The following DNAH17 variants were observed in gnomAD, a reference collection of about 807,000 sequenced individuals.
The protein encoded by DNAH17 is dynein axonemal heavy chain 17.
In DNAH17, 376 loss-of-function variants were observed where a neutral mutation model predicts 485.6. The ratio of observed to expected loss-of-function variants is 0.77; its 90% CI spans 0.71 to 0.84. The LOEUF is 0.84. Ranked by LOEUF, DNAH17 falls within the 40% of genes least tolerant of loss-of-function variation. DNAH17 has a pLI of 0.00. For synonymous variants in DNAH17, 3,031 were observed against 2,405.9 expected (o/e 1.26, Z -7.60); for missense variants, 6,370 against 5,839.3 (o/e 1.09, Z -2.96).
rs1050094148 is a variant in DNAH17, at chr17:78,477,372, A to T, written c.7993-639T>A. Among the ~76,000 whole-genome samples the T allele has an allele frequency of 2.4e-3, 355 of 147,834 alleles. 2 individuals carry two copies. Among genetic ancestry groups the T allele is most frequent in the African/African-American group, 8.3e-3 (336 of 40,682 alleles). Reference sequence around the variant, plus strand: ...AGCATGGCATTTGGGCTGATACTTTATTTTTTTTTTTATTGATACTTTTTG... The same window carrying T: ...AGCATGGCATTTGGGCTGATACTTTTTTTTTTTTTTTATTGATACTTTTTG... On this transcript the variant is annotated intron_variant, in intron 51 of 80. Coordinates refer to ENST00000389840, the MANE Select transcript of DNAH17 (RefSeq NM_173628.4).
At chr17:78,478,036 ACCACCATCATTACCATTATCATCT>A (rs2089140707) in intron 51 of DNAH17, among the ~76,000 whole-genome samples, 1 of 137,368 alleles carries the variant, frequency 7.3e-6, no homozygotes, top group Non-Finnish European at 1.6e-5. Flanking sequence ...CCACCATCAC[ACCACCATCATTACCATTATCATCT>A]CCACCATCAC....
chr17:78,495,169 T>C (rs995195174), intron 38 of DNAH17, 72 bp from the exon 39 acceptor site: 1 of 1,493,666 alleles, frequency 6.7e-7, no homozygotes, highest in Admixed American at 2.1e-5. Flanking sequence ...CTGTCCCTCT[T>C]CACCTAGGAG....
chr17:78,467,268 G>A (rs192619953), intron 55 of DNAH17, among the ~76,000 whole-genome samples: 49 of 152,202 alleles, frequency 3.2e-4, no homozygotes, highest in African/African-American at 1.1e-3. Flanking sequence ...GGCCTGGGGG[G>A]CTCTCTGGCT....
rs371422110 is a variant in DNAH17, at chr17:78,500,323, G to A, written c.5622C>T (p.Ser1874=). 21 of 1,611,948 alleles carry A rather than the reference G, an allele frequency of 1.3e-5. No individual in the cohort carries two copies. The highest frequency in any genetic ancestry group is 5.0e-5 in the Admixed American group (3 of 59,718). Residue 1874 remains serine (S), a synonymous_variant, in exon 36 of 81, where the codon TCC becomes TCT. Coordinates refer to ENST00000389840, the MANE Select transcript of DNAH17 (RefSeq NM_173628.4). ...LGTMVYVFNC[S]EQMDYKSCGN... ...CGCGTACCTTGTAGTCCATCTGCTC[G>A]GAGCAGTTGAAGACGTAGACCATGG...
chr17:78,561,864 C>A lies in DNAH17; in HGVS notation c.1686G>T (p.Leu562Phe), dbSNP rs2092163722. ...CGGAGGCCGCCATCTGGGCATCGTA[C>A]AAGATCTTAGCATTGTCTAGCTCAG... ...FDAELDNAKILYDAQMAASEE... is the reference protein window; with the variant it reads ...FDAELDNAKIFYDAQMAASEE... The change falls in exon 12 of 81, where the codon TTG becomes TTT. Residue 562 changes from leucine (L) to phenylalanine (F), a missense_variant. Transcript: ENST00000389840. 1 of 1,613,840 alleles carries A rather than the reference C, an allele frequency of 6.2e-7. No individual in the cohort carries two copies. Among genetic ancestry groups the A allele is most frequent in the Admixed American group, 1.7e-5 (1 of 60,006 alleles).
At position 78,510,534 on chromosome 17, in the gene DNAH17, C is replaced by A. The variant is rs748472664; in HGVS notation, c.4114-28G>T. 3.7e-6 allele frequency: 6 copies of A among 1,612,454 alleles called. No individual in the cohort carries two copies. In the South Asian group the frequency reaches 6.6e-5, roughly 18 times the overall value. On this transcript the variant is annotated intron_variant, in intron 26 of 80. Transcript: ENST00000389840. ...AAGGGAAAAAAATCCAGGCAGGATT[C>A]ATTTCAGGTCATGTGCACTCTGCAG... is the stretch of plus-strand genomic sequence containing the variant.
chr17:78,450,836 G>A lies in DNAH17; in HGVS notation c.10745C>T (p.Thr3582Ile). The A allele has an allele frequency of 6.2e-7, 1 of 1,613,970 alleles. No homozygotes were observed. Among genetic ancestry groups the A allele is most frequent in the Non-Finnish European group, 8.5e-7 (1 of 1,179,892 alleles). The stretch of plus-strand genomic sequence containing the variant: ...AATCTTAAATTCGTTTTGAGACTTG[G>A]TGAGGTTTGCCTGCAAGGGGAGGTG... ...PDLEQLKANLTKSQNEFKIVL... is the reference protein window; with the variant it reads ...PDLEQLKANLIKSQNEFKIVL... The change falls in exon 67 of 81, where the codon ACC becomes ATC. Residue 3582 changes from threonine (T) to isoleucine (I), a missense_variant. Physicochemically the swap from Thr to Ile is moderately conservative, Grantham distance 89. Coordinates refer to ENST00000389840, the MANE Select transcript of DNAH17 (RefSeq NM_173628.4).
chr17:78,566,476 C>T (rs1009575647), intron 11 of DNAH17, 138 bp downstream of exon 11: 14 of 648,622 alleles, frequency 2.2e-5, no homozygotes, highest in Non-Finnish European at 3.7e-5. Context: ...GACTCTGAGG[C>T]ACAGGAGACG....
chr17:78,445,546 C>A lies in DNAH17; in HGVS notation c.11334+12G>T. On this transcript the variant is annotated intron_variant, in intron 70 of 80. Coordinates refer to ENST00000389840, the MANE Select transcript of DNAH17 (RefSeq NM_173628.4). ...GGAGAAAGCACAACGTGTTCAACGT[C>A]TAAAGACGAACCTTGATCCCGCCCC... 6.4e-7 allele frequency: 1 copy of A among 1,560,210 alleles called. No individual in the cohort carries two copies. Among genetic ancestry groups the A allele is most frequent in the Non-Finnish European group, 8.7e-7 (1 of 1,151,688 alleles).
At chr17:78,536,243 T>A (rs567328200) in intron 19 of DNAH17, among the ~76,000 whole-genome samples, 1 of 151,704 alleles carries the variant, frequency 6.6e-6, no homozygotes, top group Non-Finnish European at 1.5e-5. Flanking sequence ...ATTGAGACCA[T>A]CCTGGCCAAC....
intron 11 of DNAH17, among the ~76,000 whole-genome samples, chr17:78,565,636 C>T (rs778322789): frequency 2.6e-5 from 4 of 152,202 alleles, no homozygotes; most frequent in Non-Finnish European, 5.9e-5. Context: ...GCCTGGGAAA[C>T]ATAGCAAAAC....
chr17:78,481,878 G>C (rs1209793823), intron 48 of DNAH17, among the ~76,000 whole-genome samples: 2 of 151,978 alleles, frequency 1.3e-5, no homozygotes, highest in African/African-American at 4.8e-5. Context: ...AGCCAGGCAT[G>C]GTGGCAGGCA....
At position 78,529,474 on chromosome 17, in the gene DNAH17, G is replaced by A; in HGVS notation, c.3505C>T (p.Gln1169Ter). ...AGCCACACCCACCCACCACGTACCT[G>A]CAGCTTCAAGTGGATCTCCTCTGGC... Reference protein sequence around the residue: ...EMPEEIHLKLQELPEHWANTK... With the variant: ...EMPEEIHLKL Residue 1169 changes from glutamine to a stop codon, truncating the protein, a stop_gained and splice_region_variant, in exon 22 of 81, where the codon CAG becomes TAG. Coordinates refer to ENST00000389840, the MANE Select transcript of DNAH17 (RefSeq NM_173628.4). LOFTEE classifies it high-confidence loss of function. 2.5e-6 allele frequency: 4 copies of A among 1,613,878 alleles called. No homozygotes were observed. Among genetic ancestry groups the A allele is most frequent in the East Asian group, 2.2e-5 (1 of 44,874 alleles).
chr17:78,425,143 C>G (rs2086381172), intron 80 of DNAH17: 2 of 579,754 alleles, frequency 3.4e-6, no homozygotes, highest in African/African-American at 3.8e-5. Flanking sequence ...CCTCCAGACC[C>G]TGCACATTCC....
intron 16 of DNAH17, among the ~76,000 whole-genome samples, chr17:78,550,210 G>T (rs148726173): frequency 6.6e-6 from 1 of 152,222 alleles, no homozygotes; most frequent in Non-Finnish European, 1.5e-5. Context: ...GACGTCCAGC[G>T]GACATTAACA....
At position 78,439,134 on chromosome 17, in the gene DNAH17, C is replaced by G; in HGVS notation, c.11761G>C (p.Ala3921Pro). ...CCTTTCTCTGCAGCCACGTCCAGGGCGTTCTCAGCCACCACCTCTTGTCCC... is the reference window on the plus strand; with the variant it reads ...CCTTTCTCTGCAGCCACGTCCAGGGGGTTCTCAGCCACCACCTCTTGTCCC... ...GQGQEVVAEN[A>P]LDVAAEKGHW... is the part of the protein sequence containing the mutation. Residue 3921 changes from alanine to proline, a missense_variant, in exon 73 of 81, where the codon GCC becomes CCC. Coordinates refer to ENST00000389840, the MANE Select transcript of DNAH17 (RefSeq NM_173628.4). 6.2e-7 allele frequency: 1 copy of G among 1,613,602 alleles called. No individual in the cohort carries two copies. Among genetic ancestry groups the G allele is most frequent in the Non-Finnish European group, 8.5e-7 (1 of 1,179,806 alleles).
chr17:78,485,301 G>A (rs1008866872), intron 47 of DNAH17: 7 of 616,754 alleles, frequency 1.1e-5, no homozygotes, highest in Middle Eastern at 4.4e-4. Context: ...ACACTCCCGG[G>A]GGACCTGCTG....
intron 24 of DNAH17, among the ~76,000 whole-genome samples, chr17:78,526,446 G>C (rs2091075307): frequency 6.6e-6 from 1 of 152,126 alleles, no homozygotes; most frequent in South Asian, 2.1e-4. Context: ...GGTCTGGGGG[G>C]CTGCTCGGTT....
Position 78,525,056 on chromosome 17 carries a change from G to T in DNAH17, c.3817C>A (p.His1273Asn), listed in dbSNP as rs776671793. The part of the protein sequence containing the change: ...VPDYKQLKAC[H>N]REVRLLKELW... ...TCCTTCAGTAGGCGGACCTCCCGGT[G>T]GCAGGCCTTGAGCTGCTTGTAGTCT... Residue 1273 changes from histidine to asparagine, a missense_variant, in exon 25 of 81, where the codon CAC becomes AAC. Transcript: ENST00000389840. 10 of 1,613,672 alleles carry T rather than the reference G, an allele frequency of 6.2e-6. No individual in the cohort carries two copies. The Admixed American group carries it at 1.7e-4, about 27-fold the overall frequency.
Sources: allele counts gnomAD v4.1 joint callset (sites outside exome capture counted in the v4.1 genomes callset), GRCh38; gene constraint gnomAD v4.1.1; transcripts MANE v1.5; gene names NCBI Gene and HGNC (gene_info 2026-07-23, HGNC 2026-07-21).